Variants in DIAPH3 observed in about 807,000 individuals in gnomAD.
DIAPH3 encodes diaphanous related formin 3, also known as protein diaphanous homolog 3.
A neutral mutation model predicts 144.3 loss-of-function variants in DIAPH3; 117 were observed. The observed-to-expected ratio is 0.81, with a 90% CI of 0.70 to 0.95. DIAPH3 has a LOEUF of 0.95. DIAPH3 is among the 40% of genes least tolerant of loss of function. DIAPH3 has a pLI of 0.00. For synonymous variants in DIAPH3, 519 were observed against 488.9 expected (o/e 1.06, Z -0.81); for missense variants, 1,421 against 1,412.7 (o/e 1.01, Z -0.09).
Position 60,163,573 on chromosome 13 carries a change from C to T in DIAPH3, c.180+14G>A. ...GGCGGGAGCGGCCCCACCCTAGCTC[C>T]AGGCGATACTCACAAACTTGGGGCG... On this transcript the variant is annotated intron_variant, in intron 1 of 27. Coordinates refer to ENST00000400324, the MANE Select transcript of DIAPH3 (RefSeq NM_001042517.2). 6.3e-7 allele frequency: 1 copy of T among 1,577,062 alleles called. No homozygotes were observed. The highest frequency in any genetic ancestry group is 8.6e-7 in the Non-Finnish European group (1 of 1,157,942).
intron 20 of DIAPH3, among the ~76,000 whole-genome samples, chr13:59,909,696 C>T (rs190426294): frequency 2.6e-5 from 4 of 152,192 alleles, no homozygotes; most frequent in Admixed American, 2.0e-4. Context: ...TTTTCAACAA[C>T]GTTATTCCTT....
chr13:59,970,519 T>G (rs912045189), intron 16 of DIAPH3, among the ~76,000 whole-genome samples: 3 of 152,128 alleles, frequency 2.0e-5, no homozygotes, highest in Non-Finnish European at 4.4e-5. Flanking sequence ...AAGAACACCA[T>G]CATTTTTTTT....
intron 22 of DIAPH3, among the ~76,000 whole-genome samples, chr13:59,847,662 G>C (rs1250069322): frequency 6.6e-6 from 1 of 152,182 alleles, no homozygotes; most frequent in Admixed American, 6.5e-5. Context: ...TAATGGTTCT[G>C]TGTACATGTA....
At chr13:59,871,433 A>G (rs1166617860) in intron 21 of DIAPH3, among the ~76,000 whole-genome samples, 1 of 152,140 alleles carries the variant, frequency 6.6e-6, no homozygotes, top group Non-Finnish European at 1.5e-5. Flanking sequence ...TGTCGATTTT[A>G]TGTAGATGTT....
chr13:59,743,720 T>C (rs751484223), intron 27 of DIAPH3, among the ~76,000 whole-genome samples: 4 of 152,198 alleles, frequency 2.6e-5, no homozygotes, highest in East Asian at 1.9e-4. Context: ...TATGGGATGC[T>C]TGGGGAATTA....
chr13:59,960,984 C>T (rs985992989), intron 17 of DIAPH3, among the ~76,000 whole-genome samples: 20 of 152,166 alleles, frequency 1.3e-4, no homozygotes, highest in Middle Eastern at 6.8e-3. Context: ...AAAAATGAAA[C>T]TAGATATACA....
chr13:59,774,833 G>T lies in DIAPH3; in HGVS notation c.3164-10C>A, dbSNP rs931507510. On this transcript the variant is annotated splice_polypyrimidine_tract_variant and intron_variant, in intron 25 of 27. Coordinates refer to ENST00000400324, the MANE Select transcript of DIAPH3 (RefSeq NM_001042517.2). The stretch of plus-strand genomic sequence containing the variant: ...CCTGTCTCATCACCCTCTGTGAAAA[G>T]AGATGCAGGGAATTCCATCAGCCCT... 1.9e-6 allele frequency: 3 copies of T among 1,609,448 alleles called. No homozygotes were observed. The African/African-American group carries it at 4.0e-5, about 22-fold the overall frequency.
chr13:59,997,528 G>T (rs951797257), intron 9 of DIAPH3, among the ~76,000 whole-genome samples: 1 of 151,968 alleles, frequency 6.6e-6, no homozygotes, highest in Non-Finnish European at 1.5e-5. Flanking sequence ...GCATCCCTTT[G>T]AAATATTTAT....
At position 59,822,526 on chromosome 13, in the gene DIAPH3, C is replaced by A. The variant is rs373126127; in HGVS notation, c.3027+10581G>T. Among the ~76,000 whole-genome samples the A allele has an allele frequency of 2.0e-5, 3 of 151,966 alleles. No individual in the cohort carries two copies. The South Asian group carries it at 6.2e-4, about 32-fold the overall frequency. On this transcript the variant is annotated intron_variant, in intron 24 of 27. Transcript: ENST00000400324. ...TGCGATCTCGGCTCACTGCAACCTCCGCCTCCTGGGTTCAAGCGATTCCCC... is the reference window on the plus strand; with the variant it reads ...TGCGATCTCGGCTCACTGCAACCTCAGCCTCCTGGGTTCAAGCGATTCCCC...
At chr13:60,099,612 G>A (rs78808741) in intron 3 of DIAPH3, among the ~76,000 whole-genome samples, 7,399 of 152,190 alleles carry the variant, frequency 0.049, 276 homozygotes, top group African/African-American at 0.096. Flanking sequence ...TTTCACCACT[G>A]TAAAGTCGAA....
At chr13:60,006,441 T>C (rs914064872) in intron 9 of DIAPH3, among the ~76,000 whole-genome samples, 2 of 152,058 alleles carry the variant, frequency 1.3e-5, no homozygotes, top group African/African-American at 2.4e-5. Flanking sequence ...GATTCATAGA[T>C]AGTTGCAAAA....
chr13:59,771,297 G>A, intron 27 of DIAPH3, among the ~76,000 whole-genome samples: 1 of 151,992 alleles, frequency 6.6e-6, no homozygotes, highest in African/African-American at 2.4e-5. Context: ...CTCAAATTTA[G>A]GCTTTGGATA....
chr13:59,719,540 T>C (rs1375945901), intron 27 of DIAPH3, among the ~76,000 whole-genome samples: 1 of 152,052 alleles, frequency 6.6e-6, no homozygotes, highest in Non-Finnish European at 1.5e-5. Flanking sequence ...GAGCAGCTAT[T>C]GGAGAACACA....
intron 22 of DIAPH3, among the ~76,000 whole-genome samples, chr13:59,849,971 G>C (rs1248607619): frequency 1.4e-5 from 2 of 143,638 alleles, no homozygotes; most frequent in Non-Finnish European, 3.1e-5. Flanking sequence ...TCTTCCATTT[G>C]TTTGTATCCT....
At chr13:59,899,359 T>A (rs1397105858) in intron 20 of DIAPH3, among the ~76,000 whole-genome samples, 3 of 152,170 alleles carry the variant, frequency 2.0e-5, no homozygotes, top group Non-Finnish European at 4.4e-5. Flanking sequence ...AGCAACTGAT[T>A]ATGCAATTTC....
intron 4 of DIAPH3, among the ~76,000 whole-genome samples, chr13:60,050,082 TACTC>T (rs950711818): frequency 4.5e-4 from 68 of 152,234 alleles, no homozygotes; most frequent in African/African-American, 1.6e-3. Context: ...TAGATCTAGA[TACTC>T]AGGAGACTGA....
intron 4 of DIAPH3, among the ~76,000 whole-genome samples, chr13:60,063,139 G>A (rs746840920): frequency 5.9e-5 from 9 of 152,178 alleles, no homozygotes; most frequent in East Asian, 1.9e-4. Flanking sequence ...GCTTATGGAA[G>A]ATTCTGAATC....
At chr13:59,964,239 A>C (rs2049926944) in intron 17 of DIAPH3, among the ~76,000 whole-genome samples, 1 of 152,126 alleles carries the variant, frequency 6.6e-6, no homozygotes, top group Non-Finnish European at 1.5e-5. Flanking sequence ...AATATGGAAA[A>C]GCAACAGTAT....
At chr13:59,757,993 G>A (rs1248252084) in intron 27 of DIAPH3, among the ~76,000 whole-genome samples, 1 of 151,958 alleles carries the variant, frequency 6.6e-6, no homozygotes, top group African/African-American at 2.4e-5. Flanking sequence ...TCACATAATA[G>A]GATACCCACA....
Sources: allele counts gnomAD v4.1 joint callset (sites outside exome capture counted in the v4.1 genomes callset), GRCh38; gene constraint gnomAD v4.1.1; transcripts MANE v1.5; gene names NCBI Gene and HGNC (gene_info 2026-07-23, HGNC 2026-07-21).